The following PRPF6 variants were observed in gnomAD, a reference collection of about 807,000 sequenced individuals.
PRPF6 encodes pre-mRNA processing factor 6.
Under a neutral mutation model 118.3 loss-of-function variants are expected in PRPF6, and 42 were observed. The observed-to-expected ratio is 0.35, with a 90% CI of 0.28 to 0.46. PRPF6 has a LOEUF of 0.46. PRPF6 is among the 20% of genes least tolerant of loss of function. The probability of loss-of-function intolerance (pLI) is 1.00; values close to 1 mark genes in which losing one functional copy is unlikely to be tolerated. For missense variants in PRPF6, 662 were observed against 1,255.7 expected (o/e 0.53, Z 7.15); for synonymous variants, 481 against 485.1 (o/e 0.99, Z 0.11).
At chr20:63,998,048 A>G (rs935518629) in intron 6 of PRPF6, among the ~76,000 whole-genome samples, 1 of 152,142 alleles carries the variant, frequency 6.6e-6, no homozygotes, top group Non-Finnish European at 1.5e-5. Context: ...GGGTGTACAG[A>G]TATTTGTCAG....
intron 13 of PRPF6, 23 bp downstream of exon 13, chr20:64,022,901 C>A (rs2060474501): frequency 6.2e-7 from 1 of 1,613,678 alleles, no homozygotes; most frequent in African/African-American, 1.3e-5. Flanking sequence ...ACCCGCCTGC[C>A]CAAGGGTGCT....
Position 64,008,057 on chromosome 20 carries a change from G to T in PRPF6, c.1187-2143G>T, listed in dbSNP as rs150502300. Among the ~76,000 whole-genome samples the T allele has an allele frequency of 1.3e-3, 192 of 152,310 alleles. 1 individual carries two copies. The highest frequency in any genetic ancestry group is 1.6e-3 in the Non-Finnish European group (112 of 68,022). ...CTCCCAAAGTGCTGGGATTACAGGC[G>T]TGAGCTACGGGCTGTACCTGGCCCG... On this transcript the variant is annotated intron_variant, in intron 9 of 20. Coordinates refer to ENST00000266079, the MANE Select transcript of PRPF6 (RefSeq NM_012469.4).
chr20:63,999,150 T>G lies in PRPF6; in HGVS notation c.866+11T>G, dbSNP rs1246865196. 1.9e-6 allele frequency: 3 copies of G among 1,611,508 alleles called. No individual in the cohort carries two copies. Among genetic ancestry groups the G allele is most frequent in the Middle Eastern group, 1.6e-4 (1 of 6,082 alleles). Reference sequence around the variant, plus strand: ...CGGAGGAGACATCAAGTGAGTGCTTTGCAGAATCGCTGGGCTGGGATGGAG... The same window carrying G: ...CGGAGGAGACATCAAGTGAGTGCTTGGCAGAATCGCTGGGCTGGGATGGAG... On this transcript the variant is annotated intron_variant, in intron 7 of 20. Coordinates refer to ENST00000266079, the MANE Select transcript of PRPF6 (RefSeq NM_012469.4).
At chr20:64,010,177 G>T (rs1384785144) in intron 9 of PRPF6, 23 bp from the exon 10 acceptor site, 2 of 1,597,022 alleles carry the variant, frequency 1.3e-6, no homozygotes, top group African/African-American at 1.3e-5. Flanking sequence ...CTGTGACGTG[G>T]TTTCTCGTTT....
Position 64,028,509 on chromosome 20 carries a change from G to C in PRPF6, c.2371G>C (p.Gly791Arg). 6.2e-7 allele frequency: 1 copy of C among 1,613,912 alleles called. No individual in the cohort carries two copies. The highest frequency in any genetic ancestry group is 8.5e-7 in the Non-Finnish European group (1 of 1,180,030). The change falls in exon 18 of 21, where the codon GGG becomes CGG. Residue 791 changes from glycine (G) to arginine (R), a missense_variant. By Grantham distance (125) the Gly-to-Arg change is moderately radical. Transcript: ENST00000266079. This position sits in a 1 kb window ranked among gnomAD's most constrained non-coding sequence, Gnocchi z 6.5. Reference protein sequence around the residue: ...LESVRLEYRAGLKNIANTLMA... With the variant: ...LESVRLEYRARLKNIANTLMA... ...GTCCGTGCGGCTGGAGTACCGTGCGGGGCTGAAGAACATCGCAAATACACT... is the reference window on the plus strand; with the variant it reads ...GTCCGTGCGGCTGGAGTACCGTGCGCGGCTGAAGAACATCGCAAATACACT...
In PRPF6 at chr20:63,995,496, A is replaced by G; in HGVS notation, c.771+14A>G. On this transcript the variant is annotated intron_variant, in intron 6 of 20. Transcript: ENST00000266079. Reference sequence around the variant, plus strand: ...AGGCTGAGCCAGGTGAGTTTGTCACACAGCATTTTCCTGTGGACAGGTTTA... The same window carrying G: ...AGGCTGAGCCAGGTGAGTTTGTCACGCAGCATTTTCCTGTGGACAGGTTTA... The G allele has an allele frequency of 6.2e-7, 1 of 1,613,976 alleles. No individual in the cohort carries two copies. The highest frequency in any genetic ancestry group is 1.3e-5 in the African/African-American group (1 of 75,018).
chr20:64,013,078 C>T (rs1299908576), intron 11 of PRPF6, among the ~76,000 whole-genome samples: 6 of 151,568 alleles, frequency 4.0e-5, no homozygotes, highest in African/African-American at 9.7e-5. Context: ...AGTTCTCCTA[C>T]GTCAGTCACC....
At chr20:64,025,002 C>T (rs2059282192) in intron 14 of PRPF6, among the ~76,000 whole-genome samples, 1 of 152,124 alleles carries the variant, frequency 6.6e-6, no homozygotes, top group African/African-American at 2.4e-5. Context: ...ATTCAGACCG[C>T]CTCACTGAGC....
Position 63,993,193 on chromosome 20 carries a change from G to T in PRPF6, c.360-214G>T, listed in dbSNP as rs1290238433. ...ATTGCGCCACTGCACTTTAGCCTGG[G>T]TGACAGAGCAAGACTCCATCTCAAA... is the stretch of plus-strand genomic sequence containing the variant. On this transcript the variant is annotated intron_variant, in intron 3 of 20. Coordinates refer to ENST00000266079, the MANE Select transcript of PRPF6 (RefSeq NM_012469.4). Among the ~76,000 whole-genome samples, 4 of 150,718 alleles carry T rather than the reference G, an allele frequency of 2.7e-5. No individual in the cohort carries two copies. The East Asian group carries it at 7.8e-4, about 30-fold the overall frequency.
intron 7 of PRPF6, among the ~76,000 whole-genome samples, chr20:63,999,360 C>T (rs1489281851): frequency 6.6e-6 from 1 of 152,220 alleles, no homozygotes; most frequent in African/African-American, 2.4e-5. Context: ...CTGTGCTGGG[C>T]AGGAAAGCAG....
chr20:64,025,615 A>C (rs2059286054), intron 14 of PRPF6, among the ~76,000 whole-genome samples: 1 of 150,860 alleles, frequency 6.6e-6, no homozygotes, highest in African/African-American at 2.5e-5. Context: ...CGAGTGCCCC[A>C]TTCAGGGGCT....
At chr20:63,999,349 CCTGTG>C (rs1214383140) in intron 7 of PRPF6, among the ~76,000 whole-genome samples, 11 of 152,242 alleles carry the variant, frequency 7.2e-5, no homozygotes, top group Admixed American at 4.6e-4. Context: ...AAAGTCCCTG[CCTGTG>C]CTGGGCAGGA....
intron 3 of PRPF6, among the ~76,000 whole-genome samples, chr20:63,987,169 CAA>C (rs61702884): frequency 7.6e-5 from 4 of 52,446 alleles, no homozygotes; most frequent in African/African-American, 1.7e-4. Flanking sequence ...GACCCTGTCT[CAA>C]AAAAAAAAAA....
chr20:63,987,314 C>G (rs1020248737), intron 3 of PRPF6, among the ~76,000 whole-genome samples: 1 of 151,836 alleles, frequency 6.6e-6, no homozygotes, highest in African/African-American at 2.4e-5. Context: ...TGAGACCATC[C>G]TGACCAACAT....
rs2123094761 is a variant in PRPF6, at chr20:64,025,819, C to T, written c.1909-120C>T. The T allele has an allele frequency of 6.3e-6, 10 of 1,575,554 alleles. No homozygotes were observed. The South Asian group carries it at 1.1e-4, about 18-fold the overall frequency. ...CTCCCTGGGAAGGGCTTGGACCAGA[C>T]TAATCCTGTAGCAGAGCAAGGCCTG... is the stretch of plus-strand genomic sequence containing the variant. On this transcript the variant is annotated intron_variant, in intron 14 of 20. Coordinates refer to ENST00000266079, the MANE Select transcript of PRPF6 (RefSeq NM_012469.4).
rs1193721890 is a variant in PRPF6, at chr20:64,032,751, C to A, written c.2674-90C>A. The A allele has an allele frequency of 2.7e-6, 4 of 1,494,222 alleles. No homozygotes were observed. The African/African-American group carries it at 6.1e-5, about 23-fold the overall frequency. 92.6% of individuals were successfully genotyped at this position (1,494,222 alleles called of 1,614,324 possible). Reference sequence around the variant, plus strand: ...CCAGTTGGGGTTGGTGCTGCCAGGGCCAGGTCTGCAGGGGCCAGGCGAGAA... The same window carrying A: ...CCAGTTGGGGTTGGTGCTGCCAGGGACAGGTCTGCAGGGGCCAGGCGAGAA... On this transcript the variant is annotated intron_variant, in intron 20 of 20. Coordinates refer to ENST00000266079, the MANE Select transcript of PRPF6 (RefSeq NM_012469.4).
rs80095713 is a variant in PRPF6, at chr20:63,981,612, C to T, written c.71+296C>T. 6.5e-4 allele frequency among the ~76,000 whole-genome samples: 99 copies of T among 152,004 alleles called. 1 individual carries two copies. The East Asian group carries it at 0.015, about 24-fold the overall frequency. On this transcript the variant is annotated intron_variant, in intron 1 of 20. Transcript: ENST00000266079. ...AGGAATCTGACGTGTAGTGGAAACA[C>T]GCGACCACCTTCCTCAGGTCGGGCT...
intron 14 of PRPF6, 103 bp from the exon 15 acceptor site, chr20:64,025,836 C>T (rs2059287215): frequency 6.3e-7 from 1 of 1,599,058 alleles, no homozygotes; most frequent in Admixed American, 1.7e-5. Context: ...TGTAGCAGAG[C>T]AAGGCCTGGC....
chr20:63,999,797 C>T (rs541150508), intron 8 of PRPF6, 38 bp downstream of exon 8: 50 of 1,610,706 alleles, frequency 3.1e-5, no homozygotes, highest in African/African-American at 1.2e-4. Flanking sequence ...TGGGAGGCTG[C>T]GTGATTGTGG....
Sources: allele counts gnomAD v4.1 joint callset (sites outside exome capture counted in the v4.1 genomes callset), GRCh38; gene constraint gnomAD v4.1.1; non-coding constraint Gnocchi (gnomAD v3.1); transcripts MANE v1.5; gene names NCBI Gene and HGNC (gene_info 2026-07-23, HGNC 2026-07-21).